Variants in PLCB1 observed in about 807,000 individuals in gnomAD.
The protein encoded by PLCB1 is phospholipase C beta 1, also known as 1-phosphatidylinositol 4,5-bisphosphate phosphodiesterase beta-1.
PLCB1 carries 46 observed loss-of-function variants against 161.8 expected under a neutral mutation model. The ratio of observed to expected loss-of-function variants is 0.28; its 90% confidence interval spans 0.22 to 0.36. The LOEUF is 0.36. PLCB1 is among the 10% of genes least tolerant of loss of function. PLCB1 has a pLI of 1.00. For synonymous variants in PLCB1, 517 were observed against 503.7 expected, an observed-to-expected ratio of 1.03 and a Z score of -0.35; for missense variants, 1,016 against 1,472.5, an observed-to-expected ratio of 0.69 and a Z score of 5.07.
intron 31 of PLCB1, among the ~76,000 whole-genome samples, chr20:8,834,298 G>T (rs1260311813): frequency 6.6e-6 from 1 of 152,082 alleles, no homozygotes; most frequent in Non-Finnish European, 1.5e-5. Flanking sequence ...ATAGTTTTCT[G>T]GTTTAATAGG....
intron 2 of PLCB1, among the ~76,000 whole-genome samples, chr20:8,233,699 C>A (rs989834010): frequency 1.3e-5 from 2 of 152,116 alleles, no homozygotes; most frequent in African/African-American, 2.4e-5. Flanking sequence ...GTCCTCACAT[C>A]CCCCTAACTG....
rs1001069547 is a variant in PLCB1, at chr20:8,871,254, C to G, written c.3424-10368C>G. On this transcript the variant is annotated intron_variant, in intron 31 of 31. Coordinates refer to ENST00000338037, the MANE Select transcript of PLCB1 (RefSeq NM_015192.4). ...TTGAGATTCATGTTTTCTATCACATCTACATACTTACATATATACCTGTAG... is the reference window on the plus strand; with the variant it reads ...TTGAGATTCATGTTTTCTATCACATGTACATACTTACATATATACCTGTAG... Among the ~76,000 whole-genome samples, 7 of 152,130 alleles carry G rather than the reference C, an allele frequency of 4.6e-5. No individual in the cohort carries two copies. The South Asian group carries it at 1.5e-3, about 32-fold the overall frequency.
At chr20:8,196,942 G>T (rs891463556) in intron 2 of PLCB1, among the ~76,000 whole-genome samples, 7 of 151,938 alleles carry the variant, frequency 4.6e-5, no homozygotes, top group African/African-American at 1.7e-4. Context: ...CCTTGAGATA[G>T]TTTGCTGAGA....
In PLCB1 at chr20:8,845,155, G is replaced by A. The variant is rs920383608; in HGVS notation, c.3424-36467G>A. 3.0e-4 allele frequency among the ~76,000 whole-genome samples: 39 copies of A among 131,506 alleles called. 1 individual carries two copies. The highest frequency in any genetic ancestry group is 4.4e-4 in the Non-Finnish European group (26 of 59,356). 86.3% of individuals were successfully genotyped at this position (131,506 alleles called of 152,430 possible). A position where few individuals can be genotyped will look rare whatever the true frequency, so the allele number is the denominator to read the frequency against. On this transcript the variant is annotated intron_variant, in intron 31 of 31. Coordinates refer to ENST00000338037, the MANE Select transcript of PLCB1 (RefSeq NM_015192.4). ...AAAATAAAATAAAGTACTAGATTAT[G>A]TTTTTCTTCCCAATTAAACAGATCA... is the stretch of plus-strand genomic sequence containing the variant.
intron 3 of PLCB1, among the ~76,000 whole-genome samples, chr20:8,593,147 A>G (rs759045863): frequency 3.3e-5 from 5 of 152,006 alleles, no homozygotes; most frequent in Non-Finnish European, 7.4e-5. Flanking sequence ...TCTCTCACTC[A>G]CAGGCCCTGC....
chr20:8,818,265 C>T (rs1042263736), intron 31 of PLCB1, among the ~76,000 whole-genome samples: 1 of 152,120 alleles, frequency 6.6e-6, no homozygotes, highest in African/African-American at 2.4e-5. Flanking sequence ...ACACAAGTAT[C>T]ATTTAACAAT....
Position 8,883,309 on chromosome 20 carries a change from C to T in PLCB1, c.*1460C>T, listed in dbSNP as rs980819028. The T allele has an allele frequency of 6.6e-6, 1 of 151,978 alleles. No homozygotes were observed. The allele number at this position is 151,978 out of a possible 1,614,324, so 9.4% of individuals were successfully genotyped here. A position where few individuals can be genotyped will look rare whatever the true frequency, so the allele number is the denominator to read the frequency against. ...CTAAGTATATTTAATTCACTTAACT[C>T]TGTCTTTATAAGTTCCTATTTTAGA... On this transcript the variant is annotated 3_prime_UTR_variant, in exon 32 of 32. Coordinates refer to ENST00000338037, the MANE Select transcript of PLCB1 (RefSeq NM_015192.4).
chr20:8,405,288 C>T (rs963170720), intron 3 of PLCB1, among the ~76,000 whole-genome samples: 2 of 152,234 alleles, frequency 1.3e-5, no homozygotes, highest in South Asian at 2.1e-4. Context: ...CTCATCTCCG[C>T]GTGTTTTGTT....
chr20:8,371,349 G>C, intron 2 of PLCB1, 33 bp from the exon 3 acceptor site: 1 of 1,509,506 alleles, frequency 6.6e-7, no homozygotes, highest in Non-Finnish European at 9.2e-7. Flanking sequence ...GGTCTGTGTC[G>C]TTGCTTAACG....
chr20:8,787,146 A>C lies in PLCB1; in HGVS notation c.3112-1303A>C, dbSNP rs373484722. ...AGGCTTGAAGGCAATTTGAAGAGTGAGGAGGACAGGGTTTTATTGTGTTGA... is the reference window on the plus strand; with the variant it reads ...AGGCTTGAAGGCAATTTGAAGAGTGCGGAGGACAGGGTTTTATTGTGTTGA... On this transcript the variant is annotated intron_variant, in intron 27 of 31. Coordinates refer to ENST00000338037, the MANE Select transcript of PLCB1 (RefSeq NM_015192.4). Among the ~76,000 whole-genome samples, 4 of 152,304 alleles carry C rather than the reference A, an allele frequency of 2.6e-5. No individual in the cohort carries two copies. In the East Asian group the frequency reaches 5.8e-4, roughly 22 times the overall value.
At chr20:8,340,415 T>A (rs921855723) in intron 2 of PLCB1, among the ~76,000 whole-genome samples, 1 of 152,050 alleles carries the variant, frequency 6.6e-6, no homozygotes, top group Non-Finnish European at 1.5e-5. Context: ...AAATTCTAGT[T>A]TTTTTTTGTT....
At chr20:8,554,286 AT>A (rs1239967959) in intron 3 of PLCB1, among the ~76,000 whole-genome samples, 2 of 152,140 alleles carry the variant, frequency 1.3e-5, no homozygotes, top group African/African-American at 2.4e-5. Flanking sequence ...ACATATATCC[AT>A]ATAACAACTT....
intron 2 of PLCB1, among the ~76,000 whole-genome samples, chr20:8,223,104 A>G (rs1210588527): frequency 6.6e-6 from 1 of 152,144 alleles, no homozygotes; most frequent in African/African-American, 2.4e-5. Flanking sequence ...GTGGAATTCT[A>G]TTTCTGCCAC....
intron 3 of PLCB1, among the ~76,000 whole-genome samples, chr20:8,445,257 C>G (rs964112260): frequency 3.9e-5 from 6 of 152,282 alleles, no homozygotes; most frequent in African/African-American, 1.4e-4. Context: ...TTTCAGCTGT[C>G]TACATATGGC....
At chr20:8,743,350 G>A (rs1224573868) in intron 23 of PLCB1, among the ~76,000 whole-genome samples, 1 of 151,838 alleles carries the variant, frequency 6.6e-6, no homozygotes, top group Non-Finnish European at 1.5e-5. Context: ...TTGATATGAT[G>A]TATCACATTG....
intron 3 of PLCB1, among the ~76,000 whole-genome samples, chr20:8,546,718 A>G (rs1985564226): frequency 1.3e-5 from 2 of 151,978 alleles, no homozygotes; most frequent in South Asian, 4.1e-4. Flanking sequence ...AAACACCATT[A>G]CCAATGTTGT....
chr20:8,345,979 G>T (rs1225967542), intron 2 of PLCB1, among the ~76,000 whole-genome samples: 2 of 152,184 alleles, frequency 1.3e-5, no homozygotes, highest in Non-Finnish European at 2.9e-5. Flanking sequence ...AGTGAGGTTT[G>T]GTATGGTCCT....
intron 3 of PLCB1, among the ~76,000 whole-genome samples, chr20:8,604,608 C>T (rs750129889): frequency 1.3e-5 from 2 of 151,982 alleles, no homozygotes; most frequent in Non-Finnish European, 2.9e-5. Flanking sequence ...ACAAGCAAAA[C>T]AAGGGAAAGC....
At chr20:8,760,070 T>C (rs866221757) in intron 24 of PLCB1, among the ~76,000 whole-genome samples, 4 of 151,910 alleles carry the variant, frequency 2.6e-5, no homozygotes, top group Admixed American at 2.0e-4. Context: ...CATGCTCCGC[T>C]AATTTTTGTA....
Sources: gnomAD v4.1 joint callset for allele counts (sites outside exome capture counted in the v4.1 genomes callset) on GRCh38, gnomAD v4.1.1 for gene constraint, MANE v1.5 for transcripts, NCBI Gene and HGNC (gene_info 2026-07-23, HGNC 2026-07-21) for gene names.